The following DYRK1B variants were observed in gnomAD, a reference collection of about 807,000 sequenced individuals.
DYRK1B encodes dual specificity tyrosine phosphorylation regulated kinase 1B.
A neutral mutation model predicts 57.1 loss-of-function variants in DYRK1B; 20 were observed. That is an observed-to-expected ratio of 0.35 (90% CI 0.25 to 0.51). DYRK1B has a LOEUF of 0.51. Among genes scored for constraint, DYRK1B ranks in the 20% least tolerant of loss-of-function variants. DYRK1B has a pLI of 0.96. For synonymous variants in DYRK1B, 409 were observed against 384.7 expected (o/e 1.06, Z -0.74); for missense variants, 732 against 886.3 (o/e 0.83, Z 2.21).
chr19:39,825,765 GC>G lies in DYRK1B; in HGVS notation c.1839del (p.Pro614LeufsTer?). The G allele has an allele frequency of 6.4e-7, 1 of 1,570,530 alleles. No individual in the cohort carries two copies. ...LPPPDDPATLGPHLGLRGVPQ... is the reference protein window; with the variant it reads ...LPPPDDPATLXPHLGLRGVPQ... ...GGTACACCACGGAGGCCCAGGTGAG[GC>G]CCCAGAGTGGCAGGGTCATCAGGAG... On this transcript the variant is annotated frameshift_variant, in exon 11 of 11. Transcript: ENST00000323039. LOFTEE classifies it high-confidence loss of function.
chr19:39,826,524 T>G lies in DYRK1B; in HGVS notation c.1411+148A>C, dbSNP rs989204542. On this transcript the variant is annotated intron_variant, in intron 9 of 10. Transcript: ENST00000323039. This position sits in a 1 kb window ranked among gnomAD's most constrained non-coding sequence, Gnocchi z 6.3. ...ATTTCAGTGATTGTGTCAGGGCCAG[T>G]TGGAGCTCTCCCATCCCACACGTCA... The G allele has an allele frequency of 9.9e-7, 1 of 1,012,174 alleles. No homozygotes were observed. The highest frequency in any genetic ancestry group is 1.8e-5 in the South Asian group (1 of 55,304). The allele number at this position is 1,012,174 out of a possible 1,614,324, so 62.7% of individuals were successfully genotyped here.
In DYRK1B at chr19:39,826,991, G is replaced by T; in HGVS notation, c.1096-4C>A. ...GTGTCCCGGGGCCCTGGTAATCCTG[G>T]CAGGGAGGGGGTGGGAGGGGGGGCA... On this transcript the variant is annotated splice_region_variant and splice_polypyrimidine_tract_variant and intron_variant, in intron 8 of 10. Transcript: ENST00000323039. The surrounding 1 kb of genome is among the most constrained non-coding windows in gnomAD (Gnocchi z 6.3). 1 of 1,435,942 alleles carries T rather than the reference G, an allele frequency of 7.0e-7. No homozygotes were observed. The highest frequency in any genetic ancestry group is 9.1e-7 in the Non-Finnish European group (1 of 1,098,700). 89.0% of individuals were successfully genotyped at this position (1,435,942 alleles called of 1,614,324 possible). A position where few individuals can be genotyped will look rare whatever the true frequency, so the allele number is the denominator to read the frequency against.
In DYRK1B at chr19:39,833,400, C is replaced by T. The variant is rs1968919685; in HGVS notation, c.-102+623G>A. The T allele has an allele frequency of 5.1e-6, 5 of 976,988 alleles. 1 individual carries two copies. The South Asian group carries it at 1.4e-4, about 28-fold the overall frequency. 60.5% of individuals were successfully genotyped at this position (976,988 alleles called of 1,614,324 possible). On this transcript the variant is annotated intron_variant, in intron 1 of 10. Coordinates refer to ENST00000323039, the MANE Select transcript of DYRK1B (RefSeq NM_004714.3). The stretch of plus-strand genomic sequence containing the variant: ...CGCCTGTCTCTGGCCCGGCCGGCCC[C>T]GCGGCGGGGAGGGCAAGCGGGACAG...
At position 39,826,012 on chromosome 19, in the gene DYRK1B, AGAGGCAGGGGCTT is replaced by A; in HGVS notation, c.1580_1592del (p.Gln527LeufsTer33). 1 of 1,522,896 alleles carries A rather than the reference AGAGGCAGGGGCTT, an allele frequency of 6.6e-7. No individual in the cohort carries two copies. The highest frequency in any genetic ancestry group is 8.8e-7 in the Non-Finnish European group (1 of 1,137,750). The allele number at this position is 1,522,896 out of a possible 1,614,324, so 94.3% of individuals were successfully genotyped here. The stretch of plus-strand genomic sequence containing the variant: ...CCCCGGTCCCAGGCAGTGACGAGGC[AGAGGCAGGGGCTT>A]GATGTGTCTTGTGGGGCACATCACC... On this transcript the variant is annotated frameshift_variant, in exon 11 of 11. Coordinates refer to ENST00000323039, the MANE Select transcript of DYRK1B (RefSeq NM_004714.3). LOFTEE classifies it high-confidence loss of function. The surrounding 1 kb of genome is among the most constrained non-coding windows in gnomAD (Gnocchi z 6.3).
rs1968535333 is a variant in DYRK1B at position 39,826,304 on chromosome 19, G to A, written c.1412-18C>T. ...GGAGCCTCCTGGAAGTGCCAGGGAGGAGAGGTGAAGGGGCATAAGGTGAGA... is the reference window on the plus strand; with the variant it reads ...GGAGCCTCCTGGAAGTGCCAGGGAGAAGAGGTGAAGGGGCATAAGGTGAGA... On this transcript the variant is annotated intron_variant, in intron 9 of 10. Coordinates refer to ENST00000323039, the MANE Select transcript of DYRK1B (RefSeq NM_004714.3). This position sits in a 1 kb window ranked among gnomAD's most constrained non-coding sequence, Gnocchi z 6.3. 3 of 1,552,224 alleles carry A rather than the reference G, an allele frequency of 1.9e-6. No individual in the cohort carries two copies. Among genetic ancestry groups the A allele is most frequent in the Non-Finnish European group, 2.6e-6 (3 of 1,152,690 alleles).
chr19:39,830,679 G>A lies in DYRK1B; in HGVS notation c.168C>T (p.Tyr56=). Reference sequence around the variant, plus strand: ...CCCTGCCCACCTCATTGATGTGCTTGTAGGTCTTGATGAGGTCCACAGAGA... The same window carrying A: ...CCCTGCCCACCTCATTGATGTGCTTATAGGTCTTGATGAGGTCCACAGAGA... ...RKLSVDLIKT[Y]KHINEVYYAK... is the part of the protein sequence containing the mutation. The change falls in exon 3 of 11, where the codon TAC becomes TAT. Residue 56 remains tyrosine, a synonymous_variant. Transcript: ENST00000323039. 2 of 1,614,110 alleles carry A rather than the reference G, an allele frequency of 1.2e-6. No individual in the cohort carries two copies. The highest frequency in any genetic ancestry group is 1.7e-6 in the Non-Finnish European group (2 of 1,180,008).
At chr19:39,829,856 A>G in intron 5 of DYRK1B, 24 bp downstream of exon 5, 2 of 1,609,500 alleles carry the variant, frequency 1.2e-6, no homozygotes, top group Non-Finnish European at 1.7e-6. Context: ...AGGTGCCCAC[A>G]GCCCTGCCAG....
Position 39,831,647 on chromosome 19 carries a change from T to A in DYRK1B, c.63+158A>T, listed in dbSNP as rs541729667. On this transcript the variant is annotated intron_variant, in intron 2 of 10. Transcript: ENST00000323039. ...GAACCCAGCCTCTCCAAACCCTGACTCTGCCTGAAAACTCCTCTGTTATTT... is the reference window on the plus strand; with the variant it reads ...GAACCCAGCCTCTCCAAACCCTGACACTGCCTGAAAACTCCTCTGTTATTT... Among the ~76,000 whole-genome samples, 3 of 152,364 alleles carry A rather than the reference T, an allele frequency of 2.0e-5. No individual in the cohort carries two copies. In the South Asian group the frequency reaches 6.2e-4, roughly 32 times the overall value.
In DYRK1B at chr19:39,827,633, G is replaced by A. The variant is rs772069678; in HGVS notation, c.831C>T (p.Arg277=). The change falls in exon 7 of 11, where the codon CGC becomes CGT. Residue 277 remains arginine (R), a synonymous_variant. Coordinates refer to ENST00000323039, the MANE Select transcript of DYRK1B (RefSeq NM_004714.3). The part of the protein sequence containing the change: ...GQRIYQYIQS[R]FYRSPEVLLG... ...GGAGCACCTCAGGTGAGCGGTAGAAGCGGCTCTGGATATACTGGTAGATCT... is the reference window on the plus strand; with the variant it reads ...GGAGCACCTCAGGTGAGCGGTAGAAACGGCTCTGGATATACTGGTAGATCT... The A allele has an allele frequency of 1.9e-6, 3 of 1,613,950 alleles. No individual in the cohort carries two copies. Among genetic ancestry groups the A allele is most frequent in the South Asian group, 2.2e-5 (2 of 91,094 alleles).
Position 39,826,558 on chromosome 19 carries a change from T to C in DYRK1B, c.1411+114A>G, listed in dbSNP as rs1968548429. The C allele has an allele frequency of 1.7e-6, 2 of 1,208,912 alleles. No individual in the cohort carries two copies. Among genetic ancestry groups the C allele is most frequent in the Non-Finnish European group, 1.1e-6 (1 of 900,084 alleles). The allele number at this position is 1,208,912 out of a possible 1,614,324, so 74.9% of individuals were successfully genotyped here. ...TCCCATCCCACACGTCATCTTACAG[T>C]TCAGGATCAGTTTCGGCGCTTTGTG... On this transcript the variant is annotated intron_variant, in intron 9 of 10. Transcript: ENST00000323039. This position sits in a 1 kb window ranked among gnomAD's most constrained non-coding sequence, Gnocchi z 6.3.
chr19:39,833,211 C>T (rs1968906691), intron 1 of DYRK1B: 3 of 985,680 alleles, frequency 3.0e-6, no homozygotes, highest in South Asian at 9.4e-5. Flanking sequence ...AAAAAACCAC[C>T]TCTTCTCCGG....
rs755110220 is a variant in DYRK1B at position 39,827,412 on chromosome 19, T to G, written c.968A>C (p.Asn323Thr). The G allele has an allele frequency of 1.2e-6, 2 of 1,612,494 alleles. No individual in the cohort carries two copies. The highest frequency in any genetic ancestry group is 2.2e-5 in the South Asian group (2 of 91,046). ...GATGCCCAGCACCTCCACAATGCGG[T>G]TCATCTGGTCGACCTGTGAGCAGGC... ...FSGSNEVDQM[N>T]RIVEVLGIPP... The change falls in exon 8 of 11, where the codon AAC becomes ACC. Residue 323 changes from asparagine to threonine, a missense_variant. Asn to Thr is a moderately conservative substitution (Grantham distance 65). Around this residue, in one of 2 missense-constraint regions of DYRK1B, gnomAD observed 510 missense variants for 681.3 expected, o/e 0.75. Transcript: ENST00000323039.
rs754045047 is a variant in DYRK1B at position 39,827,656 on chromosome 19, T to C, written c.808A>G (p.Ile270Val). 6.2e-7 allele frequency: 1 copy of C among 1,613,142 alleles called. No individual in the cohort carries two copies. The highest frequency in any genetic ancestry group is 8.5e-7 in the Non-Finnish European group (1 of 1,179,326). Reference sequence around the variant, plus strand: ...AAGCGGCTCTGGATATACTGGTAGATCTGGGAAAAGGGTAATCGTCAAGGG... The same window carrying C: ...AAGCGGCTCTGGATATACTGGTAGACCTGGGAAAAGGGTAATCGTCAAGGG... ...FGSSCQLGQR[I>V]YQYIQSRFYR... The change falls in exon 7 of 11, where the codon ATC becomes GTC. Residue 270 changes from isoleucine (I) to valine (V), a missense_variant and splice_region_variant. Transcript: ENST00000323039.
At chr19:39,827,769 T>C in intron 6 of DYRK1B, 113 bp from the exon 7 acceptor site, 2 of 1,335,958 alleles carry the variant, frequency 1.5e-6, no homozygotes, top group Non-Finnish European at 2.0e-6. Context: ...AAATGGGGAC[T>C]GAGGCTCCAA....
chr19:39,830,413 C>T lies in DYRK1B; in HGVS notation c.334G>A (p.Glu112Lys). ...RSGERWLERY[E>K]IDSLIGKGSF... is the part of the protein sequence containing the mutation. ...CCTTTGCCAATGAGCGAGTCAATTT[C>T]GTAGCGCTCCAGCCAGCGCTCGCCA... Residue 112 changes from glutamate to lysine, a missense_variant, in exon 4 of 11, where the codon GAA (glutamate) becomes AAA (lysine). Glu to Lys is a moderately conservative substitution (Grantham distance 56, BLOSUM62 1). Transcript: ENST00000323039. 1.2e-6 allele frequency: 2 copies of T among 1,614,138 alleles called. No individual in the cohort carries two copies. The highest frequency in any genetic ancestry group is 1.1e-5 in the South Asian group (1 of 91,086).
chr19:39,825,894 C>T lies in DYRK1B; in HGVS notation c.1711G>A (p.Gly571Ser). Reference sequence around the variant, plus strand: ...TGAGGTGGGGAGCAGTCAGCAGGGCCGCCCACCAGGCTCACATCCATCAGC... The same window carrying T: ...TGAGGTGGGGAGCAGTCAGCAGGGCTGCCCACCAGGCTCACATCCATCAGC... ...PELMDVSLVG[G>S]PADCSPPHPA... is the part of the protein sequence containing the mutation. Residue 571 changes from glycine (G) to serine (S), a missense_variant, in exon 11 of 11, where the codon GGC becomes AGC. Physicochemically the swap from Gly to Ser is moderately conservative, Grantham distance 56. This residue lies in a region of DYRK1B where 222 missense variants were observed against 205.0 expected (regional missense o/e 1.08). Coordinates refer to ENST00000323039, the MANE Select transcript of DYRK1B (RefSeq NM_004714.3). The T allele has an allele frequency of 1.3e-6, 2 of 1,578,328 alleles. No homozygotes were observed. The highest frequency in any genetic ancestry group is 1.7e-6 in the Non-Finnish European group (2 of 1,163,510).
chr19:39,825,454 C>T lies in DYRK1B; in HGVS notation c.*261G>A. 1 of 497,138 alleles carries T rather than the reference C, an allele frequency of 2.0e-6. No individual in the cohort carries two copies. The highest frequency in any genetic ancestry group is 3.6e-6 in the Non-Finnish European group (1 of 279,146). The allele number at this position is 497,138 out of a possible 1,614,324, so 30.8% of individuals were successfully genotyped here. The stretch of plus-strand genomic sequence containing the variant: ...GTCCTGGGGTGAGGGGGGGTCTTCC[C>T]TCCACCGGACCACCACTGTCTTTGG... On this transcript the variant is annotated 3_prime_UTR_variant, in exon 11 of 11. Coordinates refer to ENST00000323039, the MANE Select transcript of DYRK1B (RefSeq NM_004714.3).
In DYRK1B at chr19:39,825,829, G is replaced by A. The variant is rs745813446; in HGVS notation, c.1776C>T (p.Leu592=). 6.2e-7 allele frequency: 1 copy of A among 1,610,302 alleles called. No homozygotes were observed. The highest frequency in any genetic ancestry group is 8.5e-7 in the Non-Finnish European group (1 of 1,178,712). The stretch of plus-strand genomic sequence containing the variant: ...GACGACCTCCAGTCATCCGAGTCCG[G>A]AGGGCTGAGGCAGCCGGGTGCTGGG... ...PAPQHPAASA[L]RTRMTGGRPP... The change falls in exon 11 of 11, where the codon CTC becomes CTT. Residue 592 remains leucine, a synonymous_variant. Coordinates refer to ENST00000323039, the MANE Select transcript of DYRK1B (RefSeq NM_004714.3).
rs547211771 is a variant in DYRK1B, at chr19:39,832,962, T to C, written c.-101-994A>G. The stretch of plus-strand genomic sequence containing the variant: ...ACACACACACACACCCTAATATTCC[T>C]ACCACAGACCTTTCTCCAGGCACCC... On this transcript the variant is annotated intron_variant, in intron 1 of 10. Coordinates refer to ENST00000323039, the MANE Select transcript of DYRK1B (RefSeq NM_004714.3). The C allele has an allele frequency of 1.6e-5, 16 of 985,124 alleles. No homozygotes were observed. The South Asian group carries it at 7.5e-4, about 46-fold the overall frequency. 61.0% of individuals were successfully genotyped at this position (985,124 alleles called of 1,614,324 possible). A position where few individuals can be genotyped will look rare whatever the true frequency, so the allele number is the denominator to read the frequency against.
Sources: allele counts gnomAD v4.1 joint callset (sites outside exome capture counted in the v4.1 genomes callset), GRCh38; gene constraint gnomAD v4.1.1; regional missense constraint gnomAD v4.1.1; non-coding constraint Gnocchi (gnomAD v3.1); transcripts MANE v1.5; gene names NCBI Gene and HGNC (gene_info 2026-07-23, HGNC 2026-07-21).